Variants in CDK7 observed in about 807,000 individuals in gnomAD.
The protein encoded by CDK7 is cyclin dependent kinase 7.
A neutral mutation model predicts 49.1 loss-of-function variants in CDK7; 25 were observed. The observed-to-expected ratio is 0.51, with a 90% CI of 0.37 to 0.71. The LOEUF is 0.71. Among genes scored for constraint, CDK7 ranks in the 30% least tolerant of loss-of-function variants. The probability of loss-of-function intolerance (pLI) is 0.00; values close to 1 mark genes in which losing one functional copy is unlikely to be tolerated. For synonymous variants in CDK7, 107 were observed against 140.0 expected (o/e 0.76, Z 1.67); for missense variants, 316 against 411.7 (o/e 0.77, Z 2.01).
At chr5:69,261,290 G>A (rs1459063748) in intron 7 of CDK7, among the ~76,000 whole-genome samples, 3 of 152,144 alleles carry the variant, frequency 2.0e-5, no homozygotes, top group Non-Finnish European at 4.4e-5. Context: ...CTGTGTACAA[G>A]AGCATTGTTA....
intron 2 of CDK7, among the ~76,000 whole-genome samples, chr5:69,246,889 C>T (rs999235392): frequency 3.3e-5 from 5 of 152,010 alleles, no homozygotes; most frequent in African/African-American, 7.2e-5. Flanking sequence ...GGTTAATTTT[C>T]GTGTATTACA....
At position 69,275,406 on chromosome 5, in the gene CDK7, G is replaced by C. The variant is rs1240135290; in HGVS notation, c.865-1137G>C. ...TATATATGGATAGTGTGGCCAACTT[G>C]TAAGTTCTTTTTAAGTTTCTCTCTT... On this transcript the variant is annotated intron_variant, in intron 10 of 11. Transcript: ENST00000256443. 2.6e-5 allele frequency among the ~76,000 whole-genome samples: 4 copies of C among 152,080 alleles called. No individual in the cohort carries two copies. In the East Asian group the frequency reaches 5.8e-4, roughly 22 times the overall value.
chr5:69,237,618 G>A (rs1749087210), intron 2 of CDK7, among the ~76,000 whole-genome samples: 1 of 152,116 alleles, frequency 6.6e-6, no homozygotes, highest in South Asian at 2.1e-4. Context: ...ACTGTACCTA[G>A]GGCCATGGCT....
At chr5:69,254,022 T>C (rs920464944) in intron 3 of CDK7, among the ~76,000 whole-genome samples, 1 of 151,804 alleles carries the variant, frequency 6.6e-6, no homozygotes, top group Non-Finnish European at 1.5e-5. Flanking sequence ...ATTACTTGAG[T>C]CTGGGAGGTG....
At chr5:69,267,186 A>C (rs1416420848) in intron 8 of CDK7, among the ~76,000 whole-genome samples, 2 of 151,872 alleles carry the variant, frequency 1.3e-5, no homozygotes, top group South Asian at 4.1e-4. Flanking sequence ...TAGTTTCAAC[A>C]TATGATTCAT....
At chr5:69,252,794 C>T (rs1037293375) in intron 3 of CDK7, among the ~76,000 whole-genome samples, 1 of 152,106 alleles carries the variant, frequency 6.6e-6, no homozygotes, top group Non-Finnish European at 1.5e-5. Context: ...CAGGCTTGAG[C>T]CACCATGCCC....
chr5:69,275,644 AAAATTAAAAATTTTGTC>A (rs1752044552), intron 10 of CDK7, among the ~76,000 whole-genome samples: 1 of 152,342 alleles, frequency 6.6e-6, no homozygotes, highest in African/African-American at 2.4e-5. Context: ...TTTTATGTAC[AAAATTAAAAATTTTGTC>A]AAATTAAAAA....
At position 69,248,805 on chromosome 5, in the gene CDK7, T is replaced by TC. The variant is rs1234054602; in HGVS notation, c.127-3613_127-3612insC. ...ACCTTCTTTTCTTTTTTTTTTTCTT[T>TC]TTTTTTTTTTTTTTGGAGACGGAGT... is the stretch of plus-strand genomic sequence containing the variant. On this transcript the variant is annotated intron_variant, in intron 2 of 11. Coordinates refer to ENST00000256443, the MANE Select transcript of CDK7 (RefSeq NM_001799.4). Among the ~76,000 whole-genome samples, 5 of 144,146 alleles carry TC rather than the reference T, an allele frequency of 3.5e-5. No individual in the cohort carries two copies. In the East Asian group the frequency reaches 1.0e-3, roughly 29 times the overall value. The allele number at this position is 144,146 out of a possible 152,430, so 94.6% of individuals were successfully genotyped here. A position where few individuals can be genotyped will look rare whatever the true frequency, so the allele number is the denominator to read the frequency against.
intron 2 of CDK7, among the ~76,000 whole-genome samples, chr5:69,247,061 T>C (rs188425207): frequency 6.6e-6 from 1 of 152,334 alleles, no homozygotes; most frequent in African/African-American, 2.4e-5. Context: ...AGGAGAAGAA[T>C]GTTTAATCTA....
In CDK7 at chr5:69,269,224, A is replaced by G. The variant is rs1751364490; in HGVS notation, c.645A>G (p.Gly215=). 1.9e-6 allele frequency: 3 copies of G among 1,603,040 alleles called. No homozygotes were observed. Among genetic ancestry groups the G allele is most frequent in the Non-Finnish European group, 2.5e-6 (3 of 1,176,774 alleles). ...ELLLRVPFLP[G]DSDLDQLTRI... ...TCTTTCAGGTTCCTTTTTTGCCAGG[A>G]GATTCAGACCTTGATCAGCTAACAA... Residue 215 remains glycine, a synonymous_variant, in exon 9 of 12, where the codon GGA becomes GGG. Transcript: ENST00000256443.
intron 8 of CDK7, among the ~76,000 whole-genome samples, chr5:69,263,916 A>G (rs1750987186): frequency 1.3e-5 from 2 of 152,230 alleles, no homozygotes. Context: ...TTGTTGCTGG[A>G]ATCATCTTTA....
At chr5:69,262,101 A>G in intron 7 of CDK7, 104 bp from the exon 8 acceptor site, 1 of 1,388,266 alleles carries the variant, frequency 7.2e-7, no homozygotes. Flanking sequence ...AAAGTAAGGG[A>G]TTGCCTTTAA....
chr5:69,243,707 A>G (rs1749528389), intron 2 of CDK7, among the ~76,000 whole-genome samples: 1 of 151,862 alleles, frequency 6.6e-6, no homozygotes, highest in African/African-American at 2.4e-5. Context: ...CATTGAATCT[A>G]TAGATTGCTT....
intron 5 of CDK7, 113 bp downstream of exon 5, chr5:69,255,641 T>C (rs1165954348): frequency 7.3e-6 from 6 of 820,296 alleles, no homozygotes; most frequent in Non-Finnish European, 1.3e-5. Context: ...AAGCTTAATT[T>C]TGTTGAAATT....
At chr5:69,242,822 G>A (rs1337880906) in intron 2 of CDK7, among the ~76,000 whole-genome samples, 2 of 152,174 alleles carry the variant, frequency 1.3e-5, no homozygotes, top group South Asian at 4.1e-4. Flanking sequence ...GAGGCAGGCG[G>A]ATCACCTGAG....
intron 10 of CDK7, among the ~76,000 whole-genome samples, chr5:69,275,455 A>G (rs1459097308): frequency 6.6e-6 from 1 of 152,176 alleles, no homozygotes; most frequent in African/African-American, 2.4e-5. Flanking sequence ...GTAGAGTTCA[A>G]TATGTAGAGA....
intron 8 of CDK7, 71 bp downstream of exon 8, chr5:69,262,375 A>T: frequency 1.2e-6 from 2 of 1,605,174 alleles, no homozygotes; most frequent in Middle Eastern, 1.7e-4. Flanking sequence ...TTGTATAAGA[A>T]TTCTTGTCCT....
At chr5:69,235,319 C>T in intron 1 of CDK7, 75 bp from the exon 2 acceptor site, 1 of 1,155,232 alleles carries the variant, frequency 8.7e-7, no homozygotes, top group Non-Finnish European at 1.3e-6. Context: ...CTCTTTGCTT[C>T]GCGAAATGTA....
chr5:69,276,154 G>A lies in CDK7; in HGVS notation c.865-389G>A, dbSNP rs967668383. 2.0e-5 allele frequency among the ~76,000 whole-genome samples: 3 copies of A among 151,942 alleles called. No homozygotes were observed. In the East Asian group the frequency reaches 5.8e-4, roughly 29 times the overall value. On this transcript the variant is annotated intron_variant, in intron 10 of 11. Transcript: ENST00000256443. ...AGCGATTCTCCTACCTCAGCCTCCC[G>A]AGTAGTGGGGACTACAGACATGCAC...
Sources: allele counts gnomAD v4.1 joint callset (sites outside exome capture counted in the v4.1 genomes callset), GRCh38; gene constraint gnomAD v4.1.1; transcripts MANE v1.5; gene names NCBI Gene and HGNC (gene_info 2026-07-23, HGNC 2026-07-21).